The following PWWP2B variants were observed in gnomAD, a reference collection of about 807,000 sequenced individuals.
PWWP2B encodes PWWP domain-containing protein 2B.
In PWWP2B, 9 loss-of-function variants were observed where a neutral mutation model predicts 15.5. That is an observed-to-expected ratio of 0.58 (90% CI 0.35 to 1.02). PWWP2B has a LOEUF of 1.02. PWWP2B is among the 50% of genes least tolerant of loss of function. The pLI, the probability that PWWP2B is intolerant of heterozygous loss-of-function variation, is 0.02. For synonymous variants in PWWP2B, 474 were observed against 403.6 expected (o/e 1.17, Z -2.09); for missense variants, 864 against 865.3 (o/e 1.00, Z 0.02).
chr10:132,412,492 G>C (rs572977761), intron 2 of PWWP2B, among the ~76,000 whole-genome samples: 2 of 152,300 alleles, frequency 1.3e-5, no homozygotes, highest in Admixed American at 1.3e-4. Flanking sequence ...GGGAGCTCCT[G>C]CCCGGCAGGA....
Position 132,404,800 on chromosome 10 carries a change from G to GCCCCCCCCCCC in PWWP2B, c.302_303insCCCCCCCCCCC (p.Leu105HisfsTer85). The stretch of plus-strand genomic sequence containing the variant: ...AGCCCCCCGAGACCACCCGCCCCGA[G>GCCCCCCCCCCC]CCACCCCCGCCCCTCGTGCCGCCGC... On this transcript the variant is annotated frameshift_variant, in exon 2 of 3. Coordinates refer to ENST00000305233, the MANE Select transcript of PWWP2B (RefSeq NM_138499.4). LOFTEE classifies it high-confidence loss of function. 1 of 1,356,830 alleles carries GCCCCCCCCCCC rather than the reference G, an allele frequency of 7.4e-7. No homozygotes were observed. The highest frequency in any genetic ancestry group is 1.0e-6 in the Non-Finnish European group (1 of 995,764). 84.0% of individuals were successfully genotyped at this position (1,356,830 alleles called of 1,614,324 possible). A position where few individuals can be genotyped will look rare whatever the true frequency, so the allele number is the denominator to read the frequency against.
At chr10:132,400,125 G>A (rs2069596621) in intron 1 of PWWP2B, among the ~76,000 whole-genome samples, 1 of 152,164 alleles carries the variant, frequency 6.6e-6, no homozygotes, top group Non-Finnish European at 1.5e-5. Context: ...GGCTGCTCTT[G>A]GGATGATTCA....
At chr10:132,403,537 C>T (rs1034160218) in intron 1 of PWWP2B, among the ~76,000 whole-genome samples, 1 of 152,200 alleles carries the variant, frequency 6.6e-6, no homozygotes, top group South Asian at 2.1e-4. Flanking sequence ...GGACAGGGCT[C>T]GGGGACATTG....
At chr10:132,412,611 G>A (rs973637419) in intron 2 of PWWP2B, among the ~76,000 whole-genome samples, 12 of 152,344 alleles carry the variant, frequency 7.9e-5, no homozygotes, top group Admixed American at 3.3e-4. Context: ...TCCGCCTACC[G>A]TTGGTGATCA....
Position 132,405,494 on chromosome 10 carries a change from A to G in PWWP2B, c.994A>G (p.Lys332Glu), listed in dbSNP as rs1193468535. The change falls in exon 2 of 3, where the codon AAG becomes GAG. Residue 332 changes from lysine (K) to glutamate (E), a missense_variant. Physicochemically the swap from Lys to Glu is moderately conservative, Grantham distance 56. Around this residue, in one of 2 missense-constraint regions of PWWP2B, gnomAD observed 736 missense variants for 687.7 expected, o/e 1.07. Transcript: ENST00000305233. ...GGCCGGCGCGGACCTGCCGCCCCCTAAGATCCGCCTGAAGCCCCACCGTCT... is the reference window on the plus strand; with the variant it reads ...GGCCGGCGCGGACCTGCCGCCCCCTGAGATCCGCCTGAAGCCCCACCGTCT... ...VPAGADLPPPKIRLKPHRLGD... is the reference protein window; with the variant it reads ...VPAGADLPPPEIRLKPHRLGD... 1.2e-6 allele frequency: 2 copies of G among 1,603,876 alleles called. No individual in the cohort carries two copies. The highest frequency in any genetic ancestry group is 1.7e-6 in the Non-Finnish European group (2 of 1,179,352).
Position 132,417,387 on chromosome 10 carries a change from C to T in PWWP2B, c.*343C>T, listed in dbSNP as rs1271191677. The stretch of plus-strand genomic sequence containing the variant: ...GGAACTGGGCCTGCCGCCCCGGCCT[C>T]ACCTGCTGCCCGCATGCTGGGGTCC... On this transcript the variant is annotated 3_prime_UTR_variant, in exon 3 of 3. Coordinates refer to ENST00000305233, the MANE Select transcript of PWWP2B (RefSeq NM_138499.4). 1 of 444,336 alleles carries T rather than the reference C, an allele frequency of 2.3e-6. No homozygotes were observed. Among genetic ancestry groups the T allele is most frequent in the African/African-American group, 2.0e-5 (1 of 49,112 alleles). 27.5% of individuals were successfully genotyped at this position (444,336 alleles called of 1,614,324 possible).
chr10:132,405,243 C>G lies in PWWP2B; in HGVS notation c.743C>G (p.Pro248Arg), dbSNP rs759765274. Residue 248 changes from proline to arginine, a missense_variant, in exon 2 of 3, where the codon CCG (proline) becomes CGG (arginine). Coordinates refer to ENST00000305233, the MANE Select transcript of PWWP2B (RefSeq NM_138499.4). The part of the protein sequence containing the change: ...EEDRAPAEQV[P>R]RSPVIKISYS... Reference sequence around the variant, plus strand: ...GACAGGGCCCCGGCAGAGCAGGTCCCGCGGAGCCCGGTCATCAAGATCTCC... The same window carrying G: ...GACAGGGCCCCGGCAGAGCAGGTCCGGCGGAGCCCGGTCATCAAGATCTCC... 1.9e-6 allele frequency: 3 copies of G among 1,607,764 alleles called. No homozygotes were observed. Among genetic ancestry groups the G allele is most frequent in the Non-Finnish European group, 2.5e-6 (3 of 1,178,146 alleles).
intron 2 of PWWP2B, among the ~76,000 whole-genome samples, chr10:132,411,318 G>A (rs918920999): frequency 2.0e-5 from 3 of 152,246 alleles, no homozygotes; most frequent in Non-Finnish European, 4.4e-5. Context: ...TAGATAGCGC[G>A]GGAGGGGCCG....
rs756352452 is a variant in PWWP2B, at chr10:132,405,091, G to A, written c.591G>A (p.Ala197=). ...PPEASPGPPA[A]PRARRRLGSG... The stretch of plus-strand genomic sequence containing the variant: ...AGGCCAGCCCCGGACCCCCAGCCGC[G>A]CCCAGGGCCCGCAGGAGGCTGGGCA... Residue 197 remains alanine (A), a synonymous_variant, in exon 2 of 3, where the codon GCG becomes GCA. Transcript: ENST00000305233. The A allele has an allele frequency of 5.6e-5, 86 of 1,531,940 alleles. No homozygotes were observed. The highest frequency in any genetic ancestry group is 6.5e-5 in the Non-Finnish European group (74 of 1,140,192). 94.9% of individuals were successfully genotyped at this position (1,531,940 alleles called of 1,614,324 possible).
chr10:132,402,256 C>T (rs2069624316), intron 1 of PWWP2B, among the ~76,000 whole-genome samples: 2 of 152,248 alleles, frequency 1.3e-5, no homozygotes, highest in Non-Finnish European at 2.9e-5. Context: ...CAGCCCAGTC[C>T]ACAACCCCGA....
In PWWP2B at chr10:132,405,768, G is replaced by A; in HGVS notation, c.1268G>A (p.Cys423Tyr). 1 of 1,607,186 alleles carries A rather than the reference G, an allele frequency of 6.2e-7. No homozygotes were observed. The highest frequency in any genetic ancestry group is 2.2e-5 in the East Asian group (1 of 44,866). ...GRADCASESACSSDSLDEARS... is the reference protein window; with the variant it reads ...GRADCASESAYSSDSLDEARS... The stretch of plus-strand genomic sequence containing the variant: ...GCGGACTGTGCCAGTGAGTCGGCGT[G>A]CAGCAGCGACAGCCTGGACGAGGCC... Residue 423 changes from cysteine to tyrosine, a missense_variant, in exon 2 of 3, where the codon TGC becomes TAC. By Grantham distance (194) the Cys-to-Tyr change is radical. Coordinates refer to ENST00000305233, the MANE Select transcript of PWWP2B (RefSeq NM_138499.4).
At chr10:132,412,788 T>C (rs1478789763) in intron 2 of PWWP2B, among the ~76,000 whole-genome samples, 1 of 152,126 alleles carries the variant, frequency 6.6e-6, no homozygotes, top group Non-Finnish European at 1.5e-5. Context: ...GAGGCCAGGG[T>C]AGATGTGGGG....
intron 1 of PWWP2B, among the ~76,000 whole-genome samples, chr10:132,402,948 C>G (rs1173986096): frequency 1.3e-5 from 2 of 152,238 alleles, no homozygotes; most frequent in Admixed American, 1.3e-4. Flanking sequence ...CTGTGCTCCT[C>G]GGTCCTGGCG....
chr10:132,410,069 T>G (rs2069757457), intron 2 of PWWP2B, among the ~76,000 whole-genome samples: 1 of 152,050 alleles, frequency 6.6e-6, no homozygotes, highest in Non-Finnish European at 1.5e-5. Flanking sequence ...CAGTTAAAAA[T>G]AAAATGAAAC....
At chr10:132,398,804 C>T (rs1009856973) in intron 1 of PWWP2B, among the ~76,000 whole-genome samples, 29 of 152,234 alleles carry the variant, frequency 1.9e-4, no homozygotes, top group Admixed American at 4.6e-4. Flanking sequence ...TAACCAGAGC[C>T]GCCCACGGAG....
chr10:132,415,330 CCACACACATATCCACT>C (rs1204079631), intron 2 of PWWP2B, among the ~76,000 whole-genome samples: 4 of 137,218 alleles, frequency 2.9e-5, no homozygotes, highest in Admixed American at 8.1e-5. Context: ...ACACACCCCC[CCACACACATATCCACT>C]CACACACATC....
chr10:132,402,264 C>T lies in PWWP2B; in HGVS notation c.126-2362C>T, dbSNP rs543382359. ...GCACCTTCAGCCCAGTCCACAACCCCGAGTGGTCAGGGTGCCATGTTCCCC... is the reference window on the plus strand; with the variant it reads ...GCACCTTCAGCCCAGTCCACAACCCTGAGTGGTCAGGGTGCCATGTTCCCC... On this transcript the variant is annotated intron_variant, in intron 1 of 2. Coordinates refer to ENST00000305233, the MANE Select transcript of PWWP2B (RefSeq NM_138499.4). 1.1e-3 allele frequency among the ~76,000 whole-genome samples: 169 copies of T among 152,374 alleles called. 5 individuals are homozygous for T. The highest frequency in any genetic ancestry group is 3.4e-3 in the Middle Eastern group (1 of 294).
intron 1 of PWWP2B, among the ~76,000 whole-genome samples, chr10:132,397,910 C>G (rs1027482341): frequency 6.6e-6 from 1 of 152,088 alleles, no homozygotes; most frequent in Non-Finnish European, 1.5e-5. Context: ...GAGGTACAAG[C>G]TGTGGGAGCC....
chr10:132,401,097 G>C (rs1259982121), intron 1 of PWWP2B, among the ~76,000 whole-genome samples: 1 of 152,240 alleles, frequency 6.6e-6, no homozygotes, highest in African/African-American at 2.4e-5. Context: ...AGGCCCCAGG[G>C]CCGCCACGGC....
Sources: gnomAD v4.1 joint callset for allele counts (sites outside exome capture counted in the v4.1 genomes callset) on GRCh38, gnomAD v4.1.1 for gene constraint, gnomAD v4.1.1 regional missense constraint, MANE v1.5 for transcripts, NCBI Gene and HGNC (gene_info 2026-07-23, HGNC 2026-07-21) for gene names.